Variants in PRSS23 observed in about 807,000 individuals in gnomAD.
PRSS23 encodes the protein serine protease 23, also known as protease, serine 23.
PRSS23 carries 25 observed loss-of-function variants against 34.7 expected under a neutral mutation model. The observed-to-expected ratio is 0.72, with a 90% CI of 0.53 to 1.01. The LOEUF (loss-of-function observed/expected upper bound fraction) is 1.01, where lower values mean the gene tolerates loss of function less well. PRSS23 is among the 50% of genes least tolerant of loss of function. The probability of loss-of-function intolerance (pLI) is 0.00; values close to 1 mark genes in which losing one functional copy is unlikely to be tolerated. For missense variants in PRSS23, 445 were observed against 475.6 expected, an observed-to-expected ratio of 0.94 and a Z score of 0.60; for synonymous variants, 176 against 186.6, an observed-to-expected ratio of 0.94 and a Z score of 0.46.
chr11:86,821,762 A>T (rs1948253759), intron 1 of PRSS23: 1 of 1,243,416 alleles, frequency 8.0e-7, no homozygotes, highest in Non-Finnish European at 1.1e-6. Context: ...CAATTATAAA[A>T]ATCCTGTGCC....
At chr11:86,943,989 C>T (rs1386455107) in intron 2 of PRSS23, among the ~76,000 whole-genome samples, 2 of 152,020 alleles carry the variant, frequency 1.3e-5, no homozygotes, top group East Asian at 3.9e-4. Context: ...GATCTGCCTG[C>T]CTTGACCTCC....
intron 2 of PRSS23, among the ~76,000 whole-genome samples, chr11:86,924,648 C>T (rs1237243989): frequency 2.0e-5 from 3 of 152,160 alleles, no homozygotes; most frequent in East Asian, 1.9e-4. Context: ...AGTAATGAAA[C>T]TTATCTCCAA....
At chr11:86,814,366 G>A (rs1040601500), downstream of PRSS23, among the ~76,000 whole-genome samples, 2 of 151,660 alleles carry the variant, frequency 1.3e-5, no homozygotes, top group Non-Finnish European at 2.9e-5. Context: ...AGGAGGAAGA[G>A]GAGGAGGAGG....
chr11:86,875,811 C>CT (rs1948720521), intron 2 of PRSS23, among the ~76,000 whole-genome samples: 1 of 152,150 alleles, frequency 6.6e-6, no homozygotes, highest in African/African-American at 2.4e-5. Context: ...TGAGAACAGC[C>CT]TTTTTTATCT....
At position 86,845,639 on chromosome 11, in the gene PRSS23, G is replaced by A. The variant is rs555261809; in HGVS notation, c.206+22046G>A. 2.0e-5 allele frequency among the ~76,000 whole-genome samples: 3 copies of A among 152,252 alleles called. No individual in the cohort carries two copies. The South Asian group carries it at 6.2e-4, about 32-fold the overall frequency. The stretch of plus-strand genomic sequence containing the variant: ...TGCATCAGGACTTACTTCAGTCCTG[G>A]ATGAATAATATTGAAGATATATGCT... On this transcript the variant is annotated intron_variant, in intron 2 of 2. Coordinates refer to the PRSS23 transcript ENST00000533902.
chr11:86,952,715 T>A (rs1311350752), exon 3 of PRSS23: 1 of 420,878 alleles, frequency 2.4e-6, no homozygotes, highest in Non-Finnish European at 4.3e-6. Context: ...AATAAATAAA[T>A]AAAATAAATA....
chr11:86,915,664 A>G (rs1372506302), intron 2 of PRSS23, among the ~76,000 whole-genome samples: 1 of 151,156 alleles, frequency 6.6e-6, no homozygotes, highest in Non-Finnish European at 1.5e-5. Context: ...AGTAACTGAA[A>G]GATAGAAAAT....
chr11:86,922,671 A>T (rs1949054528), intron 2 of PRSS23, among the ~76,000 whole-genome samples: 3 of 152,180 alleles, frequency 2.0e-5, no homozygotes, highest in Admixed American at 6.5e-5. Context: ...GATATTCTCT[A>T]GAGAATTTTT....
intron 2 of PRSS23, among the ~76,000 whole-genome samples, chr11:86,867,932 A>G (rs1948661306): frequency 6.6e-6 from 1 of 151,552 alleles, no homozygotes; most frequent in African/African-American, 2.4e-5. Context: ...GGTATGGAAA[A>G]GAAGTGAAGG....
At chr11:86,903,202 G>A (rs1948921989) in intron 2 of PRSS23, among the ~76,000 whole-genome samples, 2 of 152,008 alleles carry the variant, frequency 1.3e-5, no homozygotes, top group Admixed American at 1.3e-4. Context: ...CCTACTACAT[G>A]GATTAAGGGA....
chr11:86,817,146 T>A (rs1464728661), intron 1 of PRSS23, among the ~76,000 whole-genome samples: 1 of 151,950 alleles, frequency 6.6e-6, no homozygotes, highest in Non-Finnish European at 1.5e-5. Flanking sequence ...TTTTTTGTGA[T>A]TTTTTTTATT....
chr11:86,839,374 T>C lies in PRSS23; in HGVS notation c.206+15781T>C, dbSNP rs1948430743. 2.0e-5 allele frequency among the ~76,000 whole-genome samples: 3 copies of C among 152,090 alleles called. No homozygotes were observed. The South Asian group carries it at 6.2e-4, about 32-fold the overall frequency. On this transcript the variant is annotated intron_variant, in intron 2 of 2. Transcript: ENST00000533902. ...GCGTTATCAGTGACTGAAGGTCAAA[T>C]TAATGAAATAAAGTGAGAAGAATAG...
At chr11:86,894,000 G>A (rs12281456) in intron 2 of PRSS23, among the ~76,000 whole-genome samples, 3,886 of 152,148 alleles carry the variant, frequency 0.026, 51 homozygotes, top group African/African-American at 0.04. Flanking sequence ...TTTGTCTTCC[G>A]TTTTTGTTTG....
chr11:86,892,206 T>C (rs1454592682), intron 2 of PRSS23: 1 of 152,254 alleles, frequency 6.6e-6, no homozygotes, highest in Non-Finnish European at 1.5e-5. Context: ...AATGACCAAA[T>C]GTCTCACAGG....
At chr11:86,923,516 T>G (rs1949060572) in intron 2 of PRSS23, among the ~76,000 whole-genome samples, 2 of 152,242 alleles carry the variant, frequency 1.3e-5, no homozygotes, top group Non-Finnish European at 2.9e-5. Flanking sequence ...ACCAATTGGC[T>G]GAAAGGTCAT....
At chr11:86,894,743 C>T (rs559048135) in intron 2 of PRSS23, among the ~76,000 whole-genome samples, 20 of 152,302 alleles carry the variant, frequency 1.3e-4, no homozygotes, top group Middle Eastern at 3.4e-3. Flanking sequence ...TCTATGCAGC[C>T]TTGCCTAATC....
chr11:86,944,157 G>T (rs74730804), intron 2 of PRSS23, among the ~76,000 whole-genome samples: 12,461 of 151,952 alleles, frequency 0.082, 516 homozygotes, highest in East Asian at 0.096. Context: ...GTGGTTTCCA[G>T]CAATCCTTGG....
chr11:86,917,751 G>C (rs982961746), intron 2 of PRSS23, among the ~76,000 whole-genome samples: 3 of 152,190 alleles, frequency 2.0e-5, no homozygotes, highest in African/African-American at 7.2e-5. Context: ...GACCACATTA[G>C]GGCAGATGAT....
downstream of PRSS23, among the ~76,000 whole-genome samples, chr11:86,813,077 G>A (rs967623458): frequency 1.5e-4 from 23 of 152,184 alleles, no homozygotes; most frequent in African/African-American, 5.5e-4. Context: ...ACTCATTGCA[G>A]TGATGTTCTC....
Sources: allele counts gnomAD v4.1 joint callset (sites outside exome capture counted in the v4.1 genomes callset), GRCh38; gene constraint gnomAD v4.1.1; transcripts MANE v1.5; gene names NCBI Gene and HGNC (gene_info 2026-07-23, HGNC 2026-07-21).